The following KLHL1 variants were observed in gnomAD, a reference collection of about 807,000 sequenced individuals.
KLHL1 encodes the protein kelch like family member 1.
KLHL1 carries 47 observed loss-of-function variants against 77.7 expected under a neutral mutation model. That is an observed-to-expected ratio of 0.60 (90% CI 0.48 to 0.77). The LOEUF (loss-of-function observed/expected upper bound fraction) is 0.77. Among genes scored for constraint, KLHL1 ranks in the 30% least tolerant of loss-of-function variants. The probability of loss-of-function intolerance (pLI) is 0.00; values close to 1 mark genes in which losing one functional copy is unlikely to be tolerated. For missense variants in KLHL1, 925 were observed against 910.8 expected (o/e 1.02, Z -0.20); for synonymous variants, 360 against 325.2 (o/e 1.11, Z -1.15).
chr13:69,738,103 G>A (rs1566198265), intron 8 of KLHL1, among the ~76,000 whole-genome samples: 1 of 152,108 alleles, frequency 6.6e-6, no homozygotes, highest in Non-Finnish European at 1.5e-5. Context: ...ACGGACCCAG[G>A]CAGATAGCAT....
intron 4 of KLHL1, among the ~76,000 whole-genome samples, chr13:69,936,293 T>C (rs1480626833): frequency 6.6e-6 from 1 of 152,012 alleles, no homozygotes; most frequent in East Asian, 1.9e-4. Context: ...GGACTATGTA[T>C]ATCAGAATAT....
At chr13:69,769,930 C>A (rs1875482843) in intron 7 of KLHL1, among the ~76,000 whole-genome samples, 1 of 152,136 alleles carries the variant, frequency 6.6e-6, no homozygotes, top group South Asian at 2.1e-4. Context: ...TGGGCGGTGA[C>A]ATGCTCCTGT....
intron 1 of KLHL1, among the ~76,000 whole-genome samples, chr13:70,082,644 T>C (rs181629244): frequency 6.6e-6 from 1 of 152,212 alleles, no homozygotes; most frequent in Non-Finnish European, 1.5e-5. Context: ...TACAGGTACA[T>C]GTGCAGGTTT....
At chr13:70,069,871 A>T (rs1887099015) in intron 1 of KLHL1, among the ~76,000 whole-genome samples, 1 of 152,102 alleles carries the variant, frequency 6.6e-6, no homozygotes, top group Non-Finnish European at 1.5e-5. Context: ...GAAAAATGAG[A>T]GAAAGAAGCA....
chr13:69,772,493 T>C (rs1373686707), intron 7 of KLHL1, among the ~76,000 whole-genome samples: 2 of 152,134 alleles, frequency 1.3e-5, no homozygotes, highest in Admixed American at 6.6e-5. Flanking sequence ...CACACCTCAT[T>C]AAATCTAAAC....
At chr13:70,104,656 C>A (rs1052997358) in intron 1 of KLHL1, among the ~76,000 whole-genome samples, 1 of 151,998 alleles carries the variant, frequency 6.6e-6, no homozygotes, top group Non-Finnish European at 1.5e-5. Flanking sequence ...AAATACAATG[C>A]TCATTATTAA....
intron 7 of KLHL1, among the ~76,000 whole-genome samples, chr13:69,743,860 G>T (rs1007085484): frequency 6.6e-6 from 1 of 151,126 alleles, no homozygotes; most frequent in South Asian, 2.1e-4. Flanking sequence ...ATAAATTAGG[G>T]ATAAATAAAT....
intron 7 of KLHL1, among the ~76,000 whole-genome samples, chr13:69,758,188 TC>T (rs1429599228): frequency 1.3e-5 from 2 of 152,044 alleles, no homozygotes; most frequent in African/African-American, 4.8e-5. Flanking sequence ...CAAAAATCTT[TC>T]ACTATCTCTT....
chr13:69,839,801 T>G (rs182182979), intron 5 of KLHL1, among the ~76,000 whole-genome samples: 2 of 152,024 alleles, frequency 1.3e-5, no homozygotes, highest in Non-Finnish European at 1.5e-5. Flanking sequence ...ATTGTGTCTA[T>G]TTTTTGCTAT....
Position 70,107,832 on chromosome 13 carries a change from C to T in KLHL1, c.-133G>A, listed in dbSNP as rs985795185. 2 of 675,472 alleles carry T rather than the reference C, an allele frequency of 3.0e-6. No individual in the cohort carries two copies. The highest frequency in any genetic ancestry group is 3.5e-5 in the Admixed American group (1 of 28,828). 41.8% of individuals were successfully genotyped at this position (675,472 alleles called of 1,614,324 possible). A position where few individuals can be genotyped will look rare whatever the true frequency, so the allele number is the denominator to read the frequency against. ...CCTCTGCACCCCTAGAGCCAGAAGA[C>T]GCTAGGTGGGCTGCGCGCTCTGCCA... On this transcript the variant is annotated 5_prime_UTR_variant, in exon 1 of 11. Transcript: ENST00000377844.
At chr13:69,907,599 T>C (rs1882085497) in intron 4 of KLHL1, among the ~76,000 whole-genome samples, 1 of 151,956 alleles carries the variant, frequency 6.6e-6, no homozygotes, top group Non-Finnish European at 1.5e-5. Flanking sequence ...AACTGCAATA[T>C]GGGTAATACA....
intron 1 of KLHL1, among the ~76,000 whole-genome samples, chr13:69,981,409 GT>G (rs559860382): frequency 8.2e-4 from 125 of 151,992 alleles, no homozygotes; most frequent in African/African-American, 2.9e-3. Flanking sequence ...AGTGATAAGA[GT>G]TAGCTTTTGT....
chr13:69,962,573 T>G (rs1211974957), intron 2 of KLHL1, among the ~76,000 whole-genome samples: 1 of 152,104 alleles, frequency 6.6e-6, no homozygotes, highest in Non-Finnish European at 1.5e-5. Context: ...CTGAATATAC[T>G]TGGAATATAA....
intron 5 of KLHL1, among the ~76,000 whole-genome samples, chr13:69,844,925 TG>T (rs1302687673): frequency 6.6e-6 from 1 of 151,582 alleles, no homozygotes; most frequent in Non-Finnish European, 1.5e-5. Context: ...TGTCAATTTA[TG>T]GTGAAAACTA....
chr13:70,100,058 T>A (rs543259440), intron 1 of KLHL1, among the ~76,000 whole-genome samples: 53 of 152,142 alleles, frequency 3.5e-4, no homozygotes, highest in African/African-American at 1.2e-3. Flanking sequence ...TAGAATAAAC[T>A]CATCAATTTG....
intron 4 of KLHL1, among the ~76,000 whole-genome samples, chr13:69,886,947 C>T (rs1217520301): frequency 2.0e-5 from 3 of 152,032 alleles, no homozygotes; most frequent in Admixed American, 2.0e-4. Context: ...TTTATTTAAT[C>T]ATCCATCTAA....
In KLHL1 at chr13:69,940,237, C is replaced by A. The variant is rs1883325231; in HGVS notation, c.818-1G>T. 1 of 1,594,066 alleles carries A rather than the reference C, an allele frequency of 6.3e-7. No homozygotes were observed. Among genetic ancestry groups the A allele is most frequent in the Non-Finnish European group, 8.5e-7 (1 of 1,172,374 alleles). On this transcript the variant is annotated splice_acceptor_variant, in intron 3 of 10. Coordinates refer to ENST00000377844, the MANE Select transcript of KLHL1 (RefSeq NM_020866.3). LOFTEE classifies it high-confidence loss of function. ...GTGTCCTCTTTTAATTCCAAGCAGC[C>A]TAAACATAAGCAAAGATAATTATGA...
At chr13:69,855,421 G>C (rs1214624529) in intron 5 of KLHL1, among the ~76,000 whole-genome samples, 1 of 152,000 alleles carries the variant, frequency 6.6e-6, no homozygotes, top group Non-Finnish European at 1.5e-5. Context: ...GATAGAGATA[G>C]AGACAGAGAT....
At chr13:69,926,232 A>C (rs1163929194) in intron 4 of KLHL1, among the ~76,000 whole-genome samples, 1 of 152,220 alleles carries the variant, frequency 6.6e-6, no homozygotes, top group South Asian at 2.1e-4. Context: ...AAAGGGTGGC[A>C]TATTGCCCAC....
Sources: gnomAD v4.1 joint callset for allele counts (sites outside exome capture counted in the v4.1 genomes callset) on GRCh38, gnomAD v4.1.1 for gene constraint, MANE v1.5 for transcripts, NCBI Gene and HGNC (gene_info 2026-07-23, HGNC 2026-07-21) for gene names.